The following NLRP2 variants were observed in gnomAD, a reference collection of about 807,000 sequenced individuals.
NLRP2 encodes the protein NACHT, LRR and PYD domains-containing protein 2.
NLRP2 carries 107 observed loss-of-function variants against 97.2 expected under a neutral mutation model. That is an observed-to-expected ratio of 1.10 (90% confidence interval 0.94 to 1.29). NLRP2 has a LOEUF of 1.29. NLRP2 is among the 50% of genes most tolerant of loss of function. The pLI is 0.00. For missense variants in NLRP2, 1,495 were observed against 1,330.3 expected, an observed-to-expected ratio of 1.12 and a Z score of -1.93; for synonymous variants, 663 against 551.5, an observed-to-expected ratio of 1.20 and a Z score of -2.83.
At position 54,983,125 on chromosome 19, in the gene NLRP2, A is replaced by T. The variant is rs747806145; in HGVS notation, c.1427A>T (p.Gln476Leu). 30 of 1,612,524 alleles carry T rather than the reference A, an allele frequency of 1.9e-5. 1 individual carries two copies. In the South Asian group the frequency reaches 3.1e-4, roughly 17 times the overall value. Residue 476 changes from glutamine to leucine, a missense_variant, in exon 6 of 13, where the codon CAG (glutamine) becomes CTG (leucine). By Grantham distance (113) the Gln-to-Leu change is moderately radical (BLOSUM62 -2). Transcript: ENST00000448584. ...GAGGATCTGGAAAGGCTCGGGGTGC[A>T]GGAGTCCGACCTCCGTCTGTTCCTG... ...HREDLERLGV[Q>L]ESDLRLFLDG...
rs200366059 is a variant in NLRP2, at chr19:54,984,329, G to GTTTTTTTTTTTTTTTTTTTTT, written c.2030+604_2030+624dup. On this transcript the variant is annotated intron_variant, in intron 6 of 12. Transcript: ENST00000448584. Reference sequence around the variant, plus strand: ...AACTTAAGTGGGGGTTTTTTTTTGTGTTTTTTTTTTTTTTTTTTTTTTTGG... The same window carrying GTTTTTTTTTTTTTTTTTTTTT: ...AACTTAAGTGGGGGTTTTTTTTTGTGTTTTTTTTTTTTTTTTTTTTTTTTTTTTTTTTTTTTTTTTTTTTGG... Among the ~76,000 whole-genome samples, 17 of 79,670 alleles carry GTTTTTTTTTTTTTTTTTTTTT rather than the reference G, an allele frequency of 2.1e-4. 1 individual carries two copies. Among genetic ancestry groups the GTTTTTTTTTTTTTTTTTTTTT allele is most frequent in the African/African-American group, 5.1e-4 (11 of 21,642 alleles). The allele number at this position is 79,670 out of a possible 152,430, so 52.3% of individuals were successfully genotyped here.
intron 2 of NLRP2, among the ~76,000 whole-genome samples, chr19:54,972,824 A>G (rs191822596): frequency 2.0e-3 from 304 of 152,180 alleles, no homozygotes; most frequent in Middle Eastern, 0.01. Flanking sequence ...TGGATGAATA[A>G]AAAATGTGCC....
Position 54,986,160 on chromosome 19 carries a change from C to G in NLRP2, c.2211C>G (p.Asn737Lys). The G allele has an allele frequency of 6.2e-7, 1 of 1,612,844 alleles. No individual in the cohort carries two copies. The highest frequency in any genetic ancestry group is 8.5e-7 in the Non-Finnish European group (1 of 1,178,862). The part of the protein sequence containing the change: ...TCHLQRVVFK[N>K]ISPADAHRNL... ...GTTCTCTTTTCCCTAGGTTCAAAAA[C>G]ATTTCCCCAGCTGATGCTCATCGGA... The change falls in exon 8 of 13, where the codon AAC becomes AAG. Residue 737 changes from asparagine (N) to lysine (K), a missense_variant. Coordinates refer to ENST00000448584, the MANE Select transcript of NLRP2 (RefSeq NM_017852.5).
intron 11 of NLRP2, among the ~76,000 whole-genome samples, chr19:54,995,253 C>T (rs868355656): frequency 8.6e-5 from 12 of 139,834 alleles, no homozygotes; most frequent in African/African-American, 1.3e-4. Context: ...TGTAATGGCG[C>T]GATCTCAGCT....
chr19:54,994,182 T>C, intron 10 of NLRP2, 87 bp from the exon 11 acceptor site: 1 of 1,399,606 alleles, frequency 7.1e-7, no homozygotes, highest in Non-Finnish European at 1.0e-6. Flanking sequence ...TAAGTGTGTC[T>C]AACCCACGGC....
At chr19:54,968,541 G>GC (rs2070627866) in intron 1 of NLRP2, among the ~76,000 whole-genome samples, 1 of 143,662 alleles carries the variant, frequency 7.0e-6, no homozygotes, top group African/African-American at 2.6e-5. Context: ...TTGCCATGTT[G>GC]CCCAGGCTGG....
chr19:54,995,187 C>CTTTTTTTTTTTTTTTTTTTTTTTTT (rs34168825), intron 11 of NLRP2, among the ~76,000 whole-genome samples: 1 of 87,228 alleles, frequency 1.1e-5, no homozygotes, highest in African/African-American at 4.5e-5. Flanking sequence ...GTGGGTGCCT[C>CTTTTTTTTTTTTTTTTTTTTTTTTT]TTTTTTTTTT....
At position 54,990,132 on chromosome 19, in the gene NLRP2, A is replaced by C. The variant is rs2072369502; in HGVS notation, c.2477A>C (p.Glu826Ala). The C allele has an allele frequency of 1.2e-6, 2 of 1,614,180 alleles. No individual in the cohort carries two copies. The highest frequency in any genetic ancestry group is 1.7e-6 in the Non-Finnish European group (2 of 1,180,032). ...CTCTCCGACAATGAGCTTCTGGATG[A>C]GGGTGCTAAGTTGCTGTACACAACT... ...VNLSDNELLD[E>A]GAKLLYTTLR... The change falls in exon 9 of 13, where the codon GAG (glutamate) becomes GCG (alanine). Residue 826 changes from glutamate to alanine, a missense_variant. Physicochemically the swap from Glu to Ala is moderately radical, Grantham distance 107. Coordinates refer to ENST00000448584, the MANE Select transcript of NLRP2 (RefSeq NM_017852.5).
In NLRP2 at chr19:54,985,279, A is replaced by C. The variant is rs568797750; in HGVS notation, c.2201+62A>C. On this transcript the variant is annotated intron_variant, in intron 7 of 12. Coordinates refer to ENST00000448584, the MANE Select transcript of NLRP2 (RefSeq NM_017852.5). ...GGTATGAAAATGGTACAATGTTAAC[A>C]TCGGAGCAATATTCAGATTCCTGTA... 58 of 1,484,340 alleles carry C rather than the reference A, an allele frequency of 3.9e-5. 1 individual carries two copies. The South Asian group carries it at 6.3e-4, about 16-fold the overall frequency. 91.9% of individuals were successfully genotyped at this position (1,484,340 alleles called of 1,614,324 possible). A position where few individuals can be genotyped will look rare whatever the true frequency, so the allele number is the denominator to read the frequency against.
rs138333438 is a variant in NLRP2, at chr19:55,001,065, CCTTAT to C, written c.*171_*175del. ...GCCTCTGTTTTATACCTGCACACAT[CCTTAT>C]CTTTGTTACATATGAAATATCTGTA... On this transcript the variant is annotated 3_prime_UTR_variant, in exon 13 of 13. Coordinates refer to ENST00000448584, the MANE Select transcript of NLRP2 (RefSeq NM_017852.5). 0.081 allele frequency: 49,880 copies of C among 612,524 alleles called. 2,401 individuals are homozygous for C. The highest frequency in any genetic ancestry group is 0.16 in the African/African-American group (8,433 of 54,214). The allele number at this position is 612,524 out of a possible 1,614,324, so 37.9% of individuals were successfully genotyped here.
intron 4 of NLRP2, among the ~76,000 whole-genome samples, chr19:54,980,729 C>T (rs569571458): frequency 1.6e-4 from 25 of 152,184 alleles, no homozygotes; most frequent in African/African-American, 6.0e-4. Flanking sequence ...TAAACTGAGG[C>T]GTTTCATGGC....
intron 2 of NLRP2, among the ~76,000 whole-genome samples, chr19:54,970,925 C>T (rs1000616685): frequency 4.0e-4 from 56 of 141,698 alleles, no homozygotes; most frequent in African/African-American, 1.4e-3. Context: ...CACCCACTAA[C>T]TCGTCATCTA....
intron 12 of NLRP2, among the ~76,000 whole-genome samples, chr19:54,999,632 C>G (rs1313664611): frequency 6.9e-6 from 1 of 144,498 alleles, no homozygotes; most frequent in Non-Finnish European, 1.5e-5. Context: ...CAAGGTTAAC[C>G]TGATGTTATG....
intron 4 of NLRP2, 34 bp downstream of exon 4, chr19:54,977,857 T>C: frequency 1.3e-6 from 2 of 1,595,582 alleles, no homozygotes; most frequent in Non-Finnish European, 1.7e-6. Context: ...TGGAGTCAGC[T>C]GAGGAAGCCC....
At position 54,981,701 on chromosome 19, in the gene NLRP2, T is replaced by C; in HGVS notation, c.463+19T>C. On this transcript the variant is annotated intron_variant, in intron 5 of 12. Transcript: ENST00000448584. ...AAGCCAGGTCTGTACCATATCTTCC[T>C]GCAGGGAGCTTGGGATCAGATTTCT... 1 of 1,331,422 alleles carries C rather than the reference T, an allele frequency of 7.5e-7. No individual in the cohort carries two copies. The highest frequency in any genetic ancestry group is 1.2e-5 in the South Asian group (1 of 85,426). 82.5% of individuals were successfully genotyped at this position (1,331,422 alleles called of 1,614,324 possible). A position where few individuals can be genotyped will look rare whatever the true frequency, so the allele number is the denominator to read the frequency against.
chr19:54,989,252 G>A (rs1015441211), intron 8 of NLRP2, among the ~76,000 whole-genome samples: 5 of 150,966 alleles, frequency 3.3e-5, no homozygotes, highest in Non-Finnish European at 7.4e-5. Flanking sequence ...CATTGCCCCG[G>A]CCAAAGTTAG....
At chr19:54,998,774 C>T (rs1184360174) in intron 12 of NLRP2, among the ~76,000 whole-genome samples, 2 of 149,986 alleles carry the variant, frequency 1.3e-5, no homozygotes, top group Non-Finnish European at 3.0e-5. Context: ...GGCAGAGGAC[C>T]CTGCGGCCTT....
upstream of NLRP2, chr19:54,966,076 G>C (rs2070380554): frequency 6.6e-6 from 1 of 150,750 alleles, no homozygotes; most frequent in Admixed American, 6.7e-5. Flanking sequence ...TCACAGCTGA[G>C]GCTTCTAAGC....
Position 54,983,359 on chromosome 19 carries a change from G to A in NLRP2, c.1661G>A (p.Gly554Asp), listed in dbSNP as rs147794442. ...RLRNPDLIQA[G>D]YYSFGLANEK... ...AGGAACCCCGACCTGATCCAAGCAG[G>A]CTACTACTCCTTTGGCCTCGCTAAC... The change falls in exon 6 of 13, where the codon GGC becomes GAC. Residue 554 changes from glycine (G) to aspartate (D), a missense_variant. By Grantham distance (94) the Gly-to-Asp change is moderately conservative. Transcript: ENST00000448584. 8 of 1,614,086 alleles carry A rather than the reference G, an allele frequency of 5.0e-6. No individual in the cohort carries two copies. The African/African-American group carries it at 8.0e-5, about 16-fold the overall frequency.
Sources: allele counts gnomAD v4.1 joint callset (sites outside exome capture counted in the v4.1 genomes callset), GRCh38; gene constraint gnomAD v4.1.1; transcripts MANE v1.5; gene names NCBI Gene and HGNC (gene_info 2026-07-23, HGNC 2026-07-21).